The following FAM78B variants were observed in gnomAD, a reference collection of about 807,000 sequenced individuals.
The protein encoded by FAM78B is family with sequence similarity 78 member B, also known as protein FAM78B.
FAM78B carries 10 observed loss-of-function variants against 20.0 expected under a neutral mutation model. The ratio of observed to expected loss-of-function variants is 0.50; its 90% CI spans 0.31 to 0.85. The LOEUF is 0.85. Ranked by LOEUF, FAM78B falls within the 40% of genes least tolerant of loss-of-function variation. The probability of loss-of-function intolerance (pLI) is 0.05; values close to 1 mark genes in which losing one functional copy is unlikely to be tolerated. For missense variants in FAM78B, 283 were observed against 345.0 expected (o/e 0.82, Z 1.42); for synonymous variants, 135 against 132.8 (o/e 1.02, Z -0.12).
At chr1:166,162,181 A>G (rs1479706924) in intron 1 of FAM78B, among the ~76,000 whole-genome samples, 2 of 152,232 alleles carry the variant, frequency 1.3e-5, no homozygotes, top group Non-Finnish European at 2.9e-5. Flanking sequence ...AGACGAACTT[A>G]GCAAGAGCAG....
chr1:166,096,553 G>A (rs953417174), intron 1 of FAM78B, among the ~76,000 whole-genome samples: 4 of 152,316 alleles, frequency 2.6e-5, no homozygotes, highest in Admixed American at 6.5e-5. Context: ...CTGGTTCTGC[G>A]AAGTCCTAGC....
At chr1:166,087,624 C>A (rs1312579558) in intron 1 of FAM78B, 1 of 152,146 alleles carries the variant, frequency 6.6e-6, no homozygotes, top group Admixed American at 6.5e-5. Flanking sequence ...ACAAATGCAA[C>A]AACTTAGATG....
chr1:166,070,993 A>G (rs948053922), intron 1 of FAM78B, among the ~76,000 whole-genome samples: 1 of 152,338 alleles, frequency 6.6e-6, no homozygotes, highest in East Asian at 1.9e-4. Flanking sequence ...ACCATGGCTG[A>G]CCCAATTGAG....
intron 1 of FAM78B, chr1:166,154,656 G>A (rs1006062345): frequency 1.2e-5 from 6 of 507,730 alleles, no homozygotes; most frequent in Admixed American, 6.1e-5. Flanking sequence ...GGCAGGCAGT[G>A]ATGAAAAAAC....
intron 1 of FAM78B, among the ~76,000 whole-genome samples, chr1:166,076,010 A>G (rs10737522): frequency 0.61 from 92,482 of 152,070 alleles, 28,799 homozygotes; most frequent in Middle Eastern, 0.7. Context: ...CCTTTCCACT[A>G]TCCCCATCAC....
At chr1:166,069,210 CAT>C (rs58219845), downstream of FAM78B, among the ~76,000 whole-genome samples, 6,396 of 151,860 alleles carry the variant, frequency 0.042, 429 homozygotes, top group African/African-American at 0.15. Flanking sequence ...CTATATGCAT[CAT>C]GTGTGCATGT....
chr1:166,060,457 G>A (rs1651541152), exon 3 of FAM78B: 1 of 516,424 alleles, frequency 1.9e-6, no homozygotes, highest in African/African-American at 2.0e-5. Context: ...CAGGGCAAGT[G>A]CCACATGGCT....
At chr1:166,139,682 T>C (rs1655206287) in intron 1 of FAM78B, among the ~76,000 whole-genome samples, 1 of 152,106 alleles carries the variant, frequency 6.6e-6, no homozygotes, top group Non-Finnish European at 1.5e-5. Flanking sequence ...TAACACATAG[T>C]TCTATAGCTG....
chr1:166,157,545 G>T (rs116082295), intron 1 of FAM78B, among the ~76,000 whole-genome samples: 123 of 152,174 alleles, frequency 8.1e-4, no homozygotes, highest in African/African-American at 2.9e-3. Context: ...ACCTAATGAG[G>T]GAGCAGGGTC....
At chr1:166,126,885 G>A (rs1453295290) in intron 1 of FAM78B, among the ~76,000 whole-genome samples, 1 of 152,154 alleles carries the variant, frequency 6.6e-6, no homozygotes. Context: ...GCTTATGTGT[G>A]CATCCTAACG....
At chr1:166,085,525 T>A (rs1042014910) in intron 1 of FAM78B, among the ~76,000 whole-genome samples, 6 of 152,208 alleles carry the variant, frequency 3.9e-5, no homozygotes, top group East Asian at 1.9e-4. Flanking sequence ...AAGACATGGT[T>A]GTCAAGTCTT....
chr1:166,139,152 T>C (rs1324559991), intron 1 of FAM78B, among the ~76,000 whole-genome samples: 3 of 152,320 alleles, frequency 2.0e-5, no homozygotes, highest in South Asian at 4.1e-4. Context: ...TGGAGGTCCA[T>C]AAAGGTATAG....
At chr1:166,132,023 G>T (rs952644293) in intron 1 of FAM78B, among the ~76,000 whole-genome samples, 1 of 152,154 alleles carries the variant, frequency 6.6e-6, no homozygotes, top group Admixed American at 6.5e-5. Context: ...TGTCAGGAAG[G>T]CCATATAAAA....
At chr1:166,116,595 C>T (rs2101764084) in intron 1 of FAM78B, among the ~76,000 whole-genome samples, 1 of 152,314 alleles carries the variant, frequency 6.6e-6, no homozygotes, top group Middle Eastern at 3.4e-3. Context: ...GATCCACCTG[C>T]CCTCTCTGGG....
At chr1:166,056,979 C>G (rs1651370128), downstream of FAM78B, among the ~76,000 whole-genome samples, 1 of 152,118 alleles carries the variant, frequency 6.6e-6, no homozygotes, top group Non-Finnish European at 1.5e-5. Context: ...TCCTTTGCAC[C>G]ACGTGAGGGC....
intron 1 of FAM78B, among the ~76,000 whole-genome samples, chr1:166,148,852 C>T (rs1356403076): frequency 1.3e-5 from 2 of 152,224 alleles, no homozygotes; most frequent in African/African-American, 2.4e-5. Context: ...ATAAAAATTA[C>T]ATTCACTGTT....
intron 1 of FAM78B, among the ~76,000 whole-genome samples, chr1:166,153,772 GC>G (rs1655783618): frequency 6.6e-6 from 1 of 152,054 alleles, no homozygotes; most frequent in Non-Finnish European, 1.5e-5. Flanking sequence ...TTTAGAGTAA[GC>G]CAGGCAGGCA....
At chr1:166,081,641 T>C (rs1218118964) in intron 1 of FAM78B, among the ~76,000 whole-genome samples, 1 of 152,108 alleles carries the variant, frequency 6.6e-6, no homozygotes, top group Admixed American at 6.5e-5. Context: ...CCCAGTGGCA[T>C]TTGTTCTCCA....
intron 1 of FAM78B, among the ~76,000 whole-genome samples, chr1:166,131,295 G>A (rs1654869826): frequency 6.6e-6 from 1 of 152,188 alleles, no homozygotes; most frequent in East Asian, 1.9e-4. Context: ...GTGAGCCACA[G>A]TGCCCAGCCC....
Sources: gnomAD v4.1 joint callset for allele counts (sites outside exome capture counted in the v4.1 genomes callset) on GRCh38, gnomAD v4.1.1 for gene constraint, MANE v1.5 for transcripts, NCBI Gene and HGNC (gene_info 2026-07-23, HGNC 2026-07-21) for gene names.